Variants in FBXO16 observed in about 807,000 individuals in gnomAD.
FBXO16 encodes F-box only protein 16.
In FBXO16, 31 loss-of-function variants were observed where a neutral mutation model predicts 41.0. That is an observed-to-expected ratio of 0.76 (90% CI 0.57 to 1.02). The LOEUF is 1.02. FBXO16 is among the 50% of genes least tolerant of loss of function. The pLI, the probability that FBXO16 is intolerant of heterozygous loss-of-function variation, is 0.00. For missense variants in FBXO16, 361 were observed against 346.2 expected (o/e 1.04, Z -0.34); for synonymous variants, 133 against 117.8 (o/e 1.13, Z -0.84).
At chr8:28,484,188 A>C (rs1803564999) in intron 1 of FBXO16, among the ~76,000 whole-genome samples, 1 of 152,184 alleles carries the variant, frequency 6.6e-6, no homozygotes, top group African/African-American at 2.4e-5. Flanking sequence ...AAGTATTTTA[A>C]ATTTAAAATC....
intron 7 of FBXO16, among the ~76,000 whole-genome samples, chr8:28,441,257 G>A (rs1292579347): frequency 1.3e-5 from 2 of 151,816 alleles, no homozygotes; most frequent in Non-Finnish European, 2.9e-5. Flanking sequence ...TCCCTTCCAG[G>A]AGCAGAAACA....
intron 5 of FBXO16, among the ~76,000 whole-genome samples, chr8:28,454,226 T>G (rs1412103393): frequency 6.6e-6 from 1 of 151,922 alleles, no homozygotes. Flanking sequence ...ACATAATTGA[T>G]AGCTCATTAT....
chr8:28,458,053 T>C (rs1320208967), intron 4 of FBXO16, among the ~76,000 whole-genome samples: 3 of 152,210 alleles, frequency 2.0e-5, no homozygotes, highest in Non-Finnish European at 2.9e-5. Flanking sequence ...AAAGATGACA[T>C]ACAACCTTCA....
chr8:28,477,682 A>ACC (rs1803444290), intron 2 of FBXO16, among the ~76,000 whole-genome samples: 1 of 152,042 alleles, frequency 6.6e-6, no homozygotes, highest in African/African-American at 2.4e-5. Flanking sequence ...CTTCTAACAC[A>ACC]CCCTCCTCTG....
intron 1 of FBXO16, among the ~76,000 whole-genome samples, chr8:28,486,465 C>A (rs1034988628): frequency 6.6e-6 from 1 of 152,062 alleles, no homozygotes; most frequent in Non-Finnish European, 1.5e-5. Flanking sequence ...CTCAGGTGAT[C>A]CACCAGCCTA....
At chr8:28,467,729 C>T (rs535986771) in intron 3 of FBXO16, among the ~76,000 whole-genome samples, 3 of 152,212 alleles carry the variant, frequency 2.0e-5, no homozygotes, top group East Asian at 1.9e-4. Flanking sequence ...TGATTTAACA[C>T]GAATATAAAA....
chr8:28,429,354 G>C (rs1247648254), intron 8 of FBXO16, 24 bp downstream of exon 8: 13 of 1,613,116 alleles, frequency 8.1e-6, no homozygotes, highest in African/African-American at 1.3e-5. Flanking sequence ...AATGTCACAG[G>C]TTGATATCAC....
intron 6 of FBXO16, 184 bp from the exon 7 acceptor site, chr8:28,447,457 C>T (rs1802883125): frequency 1.8e-6 from 1 of 552,574 alleles, no homozygotes; most frequent in Non-Finnish European, 3.2e-6. Flanking sequence ...CATCTCCACA[C>T]AATGCAGTAC....
At chr8:28,487,093 C>A (rs981418458) in intron 1 of FBXO16, among the ~76,000 whole-genome samples, 1 of 152,046 alleles carries the variant, frequency 6.6e-6, no homozygotes, top group Admixed American at 6.6e-5. Context: ...CTCCCCCAAG[C>A]GCCTGCACTG....
chr8:28,452,292 C>T lies in FBXO16; in HGVS notation c.692G>A (p.Arg231His), dbSNP rs766852393. ...GTCACGGTTGTCTAGGTAATTAAAACGAATGATATCTGTTGGGTGCTTATC... is the reference window on the plus strand; with the variant it reads ...GTCACGGTTGTCTAGGTAATTAAAATGAATGATATCTGTTGGGTGCTTATC... ...SSDKHPTDII[R>H]FNYLDNRDPM... Residue 231 changes from arginine to histidine, a missense_variant, in exon 6 of 9, where the codon CGT becomes CAT. Arg to His is a conservative substitution (Grantham distance 29). Coordinates refer to ENST00000380254, the MANE Select transcript of FBXO16 (RefSeq NM_172366.4). 2.5e-6 allele frequency: 4 copies of T among 1,614,048 alleles called. No homozygotes were observed. The highest frequency in any genetic ancestry group is 1.1e-5 in the South Asian group (1 of 91,092).
At chr8:28,431,302 A>G (rs1274949611) in intron 7 of FBXO16, among the ~76,000 whole-genome samples, 1 of 152,170 alleles carries the variant, frequency 6.6e-6, no homozygotes, top group East Asian at 1.9e-4. Context: ...CTGAGGGAAG[A>G]TGGTCTCCTT....
chr8:28,482,189 C>T (rs1173492748), intron 2 of FBXO16, among the ~76,000 whole-genome samples: 1 of 152,148 alleles, frequency 6.6e-6, no homozygotes, highest in Admixed American at 6.5e-5. Context: ...AAGTCACAGG[C>T]TAACTTATTA....
At chr8:28,438,642 C>T (rs190147497) in intron 7 of FBXO16, among the ~76,000 whole-genome samples, 27 of 152,330 alleles carry the variant, frequency 1.8e-4, no homozygotes, top group African/African-American at 6.3e-4. Flanking sequence ...ACATCCTCCT[C>T]CCAATTCAGT....
At chr8:28,438,377 GGAA>G (rs148479422) in intron 7 of FBXO16, among the ~76,000 whole-genome samples, 1,522 of 152,170 alleles carry the variant, frequency 0.01, 29 homozygotes, top group African/African-American at 0.035. Flanking sequence ...AGACAAAGGG[GGAA>G]GAAGAAGAGA....
At chr8:28,484,567 A>C (rs2130206485) in intron 1 of FBXO16, among the ~76,000 whole-genome samples, 1 of 152,258 alleles carries the variant, frequency 6.6e-6, no homozygotes, top group South Asian at 2.1e-4. Context: ...ACAATAGCTT[A>C]CTCTTAATCT....
chr8:28,460,445 T>TTTTTTTG lies in FBXO16; in HGVS notation c.342+3166_342+3167insCAAAAAA, dbSNP rs371229894. Among the ~76,000 whole-genome samples the TTTTTTTG allele has an allele frequency of 4.9e-4, 66 of 135,628 alleles. 3 individuals carry two copies. The highest frequency in any genetic ancestry group is 2.0e-3 in the African/African-American group (64 of 32,238). The allele number at this position is 135,628 out of a possible 152,430, so 89.0% of individuals were successfully genotyped here. ...CTAATTTTTTTTTTTTTTTTTTTTT[T>TTTTTTTG]GAGACAGCGTCTCACTTTGTGACTC... On this transcript the variant is annotated intron_variant, in intron 4 of 8. Transcript: ENST00000380254.
intron 4 of FBXO16, among the ~76,000 whole-genome samples, chr8:28,463,184 GTGTGTATGTT>G (rs933533440): frequency 1.3e-5 from 2 of 151,696 alleles, no homozygotes; most frequent in Non-Finnish European, 2.9e-5. Context: ...GTGTGTATAT[GTGTGTATGTT>G]TGTGTATGTG....
intron 3 of FBXO16, among the ~76,000 whole-genome samples, chr8:28,468,275 G>A (rs1217003734): frequency 6.6e-6 from 1 of 152,072 alleles, no homozygotes; most frequent in East Asian, 1.9e-4. Flanking sequence ...AGGCTTTCTT[G>A]ACTCAATATA....
At chr8:28,485,277 C>T (rs1033075178) in intron 1 of FBXO16, among the ~76,000 whole-genome samples, 2 of 152,058 alleles carry the variant, frequency 1.3e-5, no homozygotes, top group Admixed American at 1.3e-4. Flanking sequence ...GGTTCAAGCG[C>T]TTCTCCTGGC....
Sources: gnomAD v4.1 joint callset for allele counts (sites outside exome capture counted in the v4.1 genomes callset) on GRCh38, gnomAD v4.1.1 for gene constraint, MANE v1.5 for transcripts, NCBI Gene and HGNC (gene_info 2026-07-23, HGNC 2026-07-21) for gene names.